Variants in TMEM11 observed in about 807,000 individuals in gnomAD.
The protein encoded by TMEM11 is transmembrane protein 11, mitochondrial.
In TMEM11, 1 loss-of-function variant was observed where a neutral mutation model predicts 17.0. That is an observed-to-expected ratio of 0.06 (90% CI 0.02 to 0.28). TMEM11 has a LOEUF of 0.28. TMEM11 is among the 10% of genes least tolerant of loss of function. TMEM11 has a pLI of 1.00. For synonymous variants in TMEM11, 122 were observed against 118.1 expected, an observed-to-expected ratio of 1.03 and a Z score of -0.21; for missense variants, 172 against 252.9, an observed-to-expected ratio of 0.68 and a Z score of 2.17.
chr17:21,203,190 A>T (rs997461042), intron 1 of TMEM11, among the ~76,000 whole-genome samples: 3 of 152,238 alleles, frequency 2.0e-5, no homozygotes, highest in Non-Finnish European at 4.4e-5. Context: ...CAGACCCTAT[A>T]TGGAGACGGT....
rs1442295946 is a variant in TMEM11 at position 21,198,606 on chromosome 17, C to T, written c.297G>A (p.Leu99=). 1 of 1,613,772 alleles carries T rather than the reference C, an allele frequency of 6.2e-7. No individual in the cohort carries two copies. The highest frequency in any genetic ancestry group is 2.2e-5 in the East Asian group (1 of 44,892). ...AAATGTAGTGGGAATAATCTAAGGG[C>T]AGCGCCAACGGGGTGAAGAGGCAGG... ...GTACLFTPLA[L]PLDYSHYISL... The change falls in exon 2 of 2, where the codon CTG becomes CTA. Residue 99 remains leucine, a synonymous_variant. Coordinates refer to ENST00000317635, the MANE Select transcript of TMEM11 (RefSeq NM_003876.3). The surrounding 1 kb of genome is among the most constrained non-coding windows in gnomAD (Gnocchi z 6.5).
chr17:21,203,788 A>C (rs1029088231), intron 1 of TMEM11, among the ~76,000 whole-genome samples: 4 of 151,842 alleles, frequency 2.6e-5, no homozygotes, highest in Non-Finnish European at 4.4e-5. Flanking sequence ...AGCCACCCGT[A>C]TATGGCTTGC....
At chr17:21,204,986 C>T (rs1004151010) in intron 1 of TMEM11, among the ~76,000 whole-genome samples, 1 of 152,138 alleles carries the variant, frequency 6.6e-6, no homozygotes. Flanking sequence ...GCATCTTGAA[C>T]TTCCTCCCTC....
In TMEM11 at chr17:21,205,879, C is replaced by A. The variant is rs142556482; in HGVS notation, c.63-7039G>T. ...GTTCATCCATATTGTAGCATGTATC[C>A]GAATTTTCTTCCTTTTTAAGGCTCA... is the stretch of plus-strand genomic sequence containing the variant. On this transcript the variant is annotated intron_variant, in intron 1 of 1. Coordinates refer to ENST00000317635, the MANE Select transcript of TMEM11 (RefSeq NM_003876.3). 1.6e-4 allele frequency among the ~76,000 whole-genome samples: 24 copies of A among 152,142 alleles called. No homozygotes were observed. In the East Asian group the frequency reaches 4.6e-3, roughly 29 times the overall value.
In TMEM11 at chr17:21,198,120, C is replaced by CCCT; in HGVS notation, c.*201_*203dup. On this transcript the variant is annotated 3_prime_UTR_variant, in exon 2 of 2. Transcript: ENST00000317635. The surrounding 1 kb of genome is among the most constrained non-coding windows in gnomAD (Gnocchi z 6.5). ...GTCGGACTTCCACAGCCTCAGACCC[C>CCCT]CCTCTTGGGTTATGGAAATCCACAT... 3.1e-6 allele frequency: 2 copies of CCCT among 644,750 alleles called. No homozygotes were observed. The highest frequency in any genetic ancestry group is 5.1e-6 in the Non-Finnish European group (2 of 391,900). 39.9% of individuals were successfully genotyped at this position (644,750 alleles called of 1,614,324 possible). A position where few individuals can be genotyped will look rare whatever the true frequency, so the allele number is the denominator to read the frequency against.
Position 21,199,164 on chromosome 17 carries a change from CAAA to C in TMEM11, c.63-327_63-325del, listed in dbSNP as rs1205895029. On this transcript the variant is annotated intron_variant, in intron 1 of 1. Coordinates refer to ENST00000317635, the MANE Select transcript of TMEM11 (RefSeq NM_003876.3). Reference sequence around the variant, plus strand: ...TGAAACCCTGTCTCTACTAAAGATACAAAAAAAAATTAGCCAGGTGTGGTGGCG... The same window carrying C: ...TGAAACCCTGTCTCTACTAAAGATACAAAAAATTAGCCAGGTGTGGTGGCG... Among the ~76,000 whole-genome samples the C allele has an allele frequency of 1.8e-4, 27 of 149,540 alleles. 1 individual carries two copies. The highest frequency in any genetic ancestry group is 1.3e-4 in the Admixed American group (2 of 15,014).
At chr17:21,199,853 G>T (rs1436206876) in intron 1 of TMEM11, among the ~76,000 whole-genome samples, 1 of 152,188 alleles carries the variant, frequency 6.6e-6, no homozygotes, top group Admixed American at 6.5e-5. Flanking sequence ...CTTGAATTAG[G>T]AAAAGACAAC....
Position 21,198,636 on chromosome 17 carries a change from G to A in TMEM11, c.267C>T (p.Gly89=). Residue 89 remains glycine, a synonymous_variant, in exon 2 of 2, where the codon GGC becomes GGT. Transcript: ENST00000317635. The surrounding 1 kb of genome is among the most constrained non-coding windows in gnomAD (Gnocchi z 6.5). ...CCAACGGGGTGAAGAGGCAGGCGGT[G>A]CCCGCCAGCACGGCCGTCTTGTGCA... is the stretch of plus-strand genomic sequence containing the variant. ...NCLHKTAVLA[G]TACLFTPLAL... is the part of the protein sequence containing the mutation. 1 of 1,612,862 alleles carries A rather than the reference G, an allele frequency of 6.2e-7. No individual in the cohort carries two copies. Among genetic ancestry groups the A allele is most frequent in the South Asian group, 1.1e-5 (1 of 91,062 alleles).
intron 1 of TMEM11, among the ~76,000 whole-genome samples, chr17:21,203,730 A>G (rs1488293280): frequency 8.3e-6 from 1 of 120,072 alleles, no homozygotes; most frequent in Non-Finnish European, 1.9e-5. Flanking sequence ...GAAACTGCCA[A>G]GTACTCCCAG....
intron 1 of TMEM11, among the ~76,000 whole-genome samples, chr17:21,204,136 A>G (rs1236850715): frequency 9.3e-5 from 14 of 150,728 alleles, no homozygotes; most frequent in African/African-American, 1.7e-4. Flanking sequence ...AAAAAAAAAA[A>G]AAAGAAAGAA....
At chr17:21,213,089 A>T (rs1975020157) in intron 1 of TMEM11, 1 of 152,278 alleles carries the variant, frequency 6.6e-6, no homozygotes, top group East Asian at 1.9e-4. Flanking sequence ...TCAGTCACAG[A>T]AAAGGAATAA....
intron 1 of TMEM11, chr17:21,210,967 T>G (rs1431071477): frequency 7.8e-7 from 1 of 1,288,864 alleles, no homozygotes; most frequent in African/African-American, 1.5e-5. Flanking sequence ...TCTGGGAGGT[T>G]CAGGGGCCCT....
chr17:21,214,144 A>C lies in TMEM11; in HGVS notation c.9T>G (p.Ala3=), dbSNP rs1975036824. 2 of 1,612,282 alleles carry C rather than the reference A, an allele frequency of 1.2e-6. No homozygotes were observed. Among genetic ancestry groups the C allele is most frequent in the Non-Finnish European group, 8.5e-7 (1 of 1,179,638 alleles). The stretch of plus-strand genomic sequence containing the variant: ...CCGGGCCAAGACGCCTCCTTCCCCA[A>C]GCGGCCATCTTGGAGACACTCTGCT... MA[A]WGRRRLGPGS... is the part of the protein sequence containing the mutation. The change falls in exon 1 of 2, where the codon GCT becomes GCG. Residue 3 remains alanine, a synonymous_variant. Transcript: ENST00000317635.
At chr17:21,204,119 GT>G (rs1974915383) in intron 1 of TMEM11, among the ~76,000 whole-genome samples, 1 of 37,938 alleles carries the variant, frequency 2.6e-5, no homozygotes, top group African/African-American at 1.1e-4. Flanking sequence ...TAGAGTCTAT[GT>G]TTAAAAAAAA....
intron 1 of TMEM11, among the ~76,000 whole-genome samples, chr17:21,210,006 TGTGCTCGGTCATGGA>T (rs1356378414): frequency 1.3e-5 from 2 of 151,998 alleles, no homozygotes; most frequent in East Asian, 3.9e-4. Flanking sequence ...GGTTCCCGGG[TGTGCTCGGTCATGGA>T]GTGCTGCCCA....
In TMEM11 at chr17:21,198,468, G is replaced by A; in HGVS notation, c.435C>T (p.Arg145=). The A allele has an allele frequency of 1.2e-6, 2 of 1,614,230 alleles. No homozygotes were observed. Among genetic ancestry groups the A allele is most frequent in the Non-Finnish European group, 1.7e-6 (2 of 1,180,038 alleles). Residue 145 remains arginine (R), a synonymous_variant, in exon 2 of 2, where the codon CGC becomes CGT. Transcript: ENST00000317635. The surrounding 1 kb of genome is among the most constrained non-coding windows in gnomAD (Gnocchi z 6.5). ...QVEYDAYKLS[R]LPLHTLTSST... ...AGGAGGTGAGTGTGTGCAGAGGCAG[G>A]CGCGACAGTTTATAGGCGTCGTACT...
intron 1 of TMEM11, among the ~76,000 whole-genome samples, chr17:21,203,472 T>C (rs983232093): frequency 2.7e-5 from 4 of 148,004 alleles, no homozygotes; most frequent in African/African-American, 9.8e-5. Flanking sequence ...ATCCCAGCAC[T>C]TTGGGAGGCA....
intron 1 of TMEM11, among the ~76,000 whole-genome samples, chr17:21,201,312 C>G (rs986580187): frequency 6.6e-6 from 1 of 152,296 alleles, no homozygotes. Flanking sequence ...TGTAACTAAG[C>G]CAGGCTAAGG....
rs1352955296 is a variant in TMEM11, at chr17:21,198,387, G to A, written c.516C>T (p.Asn172=). ...KDDLHRKRLH[N]TIALAALVYC... is the part of the protein sequence containing the mutation. Reference sequence around the variant, plus strand: ...ACACCAGGGCGGCCAGTGCTATCGTGTTGTGCAGTCTCTTTCTGTGCAGGT... The same window carrying A: ...ACACCAGGGCGGCCAGTGCTATCGTATTGTGCAGTCTCTTTCTGTGCAGGT... Residue 172 remains asparagine, a synonymous_variant, in exon 2 of 2, where the codon AAC becomes AAT. Transcript: ENST00000317635. The surrounding 1 kb of genome is among the most constrained non-coding windows in gnomAD (Gnocchi z 6.5). The A allele has an allele frequency of 1.9e-6, 3 of 1,614,252 alleles. No individual in the cohort carries two copies. In the South Asian group the frequency reaches 3.3e-5, roughly 18 times the overall value.
Sources: allele counts gnomAD v4.1 joint callset (sites outside exome capture counted in the v4.1 genomes callset), GRCh38; gene constraint gnomAD v4.1.1; non-coding constraint Gnocchi (gnomAD v3.1); transcripts MANE v1.5; gene names NCBI Gene and HGNC (gene_info 2026-07-23, HGNC 2026-07-21).